The following ARB2A variants were observed in gnomAD, a reference collection of about 807,000 sequenced individuals.
The protein encoded by ARB2A is ARB2 cotranscriptional regulator A, also known as cotranscriptional regulator ARB2A.
At chr5:93,769,559 G>C in the ARB2A span, among the ~76,000 whole-genome samples, 1 of 152,130 alleles carries the variant, frequency 6.6e-6, no homozygotes, top group Non-Finnish European at 1.5e-5. Context: ...GAAGTGGTAA[G>C]TTTTTATAAG....
the ARB2A span, among the ~76,000 whole-genome samples, chr5:94,076,224 T>G: frequency 6.6e-6 from 1 of 152,196 alleles, no homozygotes; most frequent in Non-Finnish European, 1.5e-5. Context: ...AGCCAATCAT[T>G]TCTATAACTA....
chr5:93,890,971 A>G, the ARB2A span, among the ~76,000 whole-genome samples: 1 of 152,078 alleles, frequency 6.6e-6, no homozygotes, highest in Non-Finnish European at 1.5e-5. Flanking sequence ...TAATTGCCCC[A>G]TGTCAAACTG....
the ARB2A span, among the ~76,000 whole-genome samples, chr5:93,787,278 C>A: frequency 8.5e-5 from 13 of 152,196 alleles, no homozygotes; most frequent in Admixed American, 6.5e-4. Context: ...AACATCCATA[C>A]CATTTTTGTT....
the ARB2A span, among the ~76,000 whole-genome samples, chr5:93,857,937 A>G: frequency 6.6e-6 from 1 of 152,094 alleles, no homozygotes; most frequent in Admixed American, 6.6e-5. Context: ...GGCTGCCCCC[A>G]CATTACATGT....
the ARB2A span, among the ~76,000 whole-genome samples, chr5:93,745,138 A>G: frequency 1.3e-5 from 2 of 152,238 alleles, no homozygotes; most frequent in Non-Finnish European, 1.5e-5. Context: ...GACATAACCA[A>G]CTGCCATGAT....
At chr5:93,947,673 C>T in the ARB2A span, among the ~76,000 whole-genome samples, 1 of 110,446 alleles carries the variant, frequency 9.1e-6, no homozygotes, top group African/African-American at 3.4e-5. Flanking sequence ...CCCCTCCCCC[C>T]ACCCCACAAC....
At chr5:93,878,290 A>C in the ARB2A span, among the ~76,000 whole-genome samples, 1 of 152,114 alleles carries the variant, frequency 6.6e-6, no homozygotes, top group East Asian at 1.9e-4. Flanking sequence ...ATTGTGAAAG[A>C]TCTGCTCTAC....
At chr5:94,013,269 C>T in the ARB2A span, among the ~76,000 whole-genome samples, 1 of 150,834 alleles carries the variant, frequency 6.6e-6, no homozygotes, top group Non-Finnish European at 1.5e-5. Flanking sequence ...ACCTCTGCCT[C>T]CCGGGTTCAA....
At chr5:94,042,084 C>T in the ARB2A span, among the ~76,000 whole-genome samples, 1 of 151,964 alleles carries the variant, frequency 6.6e-6, no homozygotes. Context: ...GAATTTCCTG[C>T]CTAGATTAAA....
chr5:93,658,474 G>GATTTC, the ARB2A span, among the ~76,000 whole-genome samples: 23 of 152,078 alleles, frequency 1.5e-4, no homozygotes, highest in African/African-American at 3.9e-4. Context: ...GAATCTGTGT[G>GATTTC]ATTTCATTTC....
At chr5:93,926,673 T>C in the ARB2A span, among the ~76,000 whole-genome samples, 2 of 152,026 alleles carry the variant, frequency 1.3e-5, no homozygotes, top group African/African-American at 4.8e-5. Context: ...GTTTCTTGAA[T>C]GCTAATTCTC....
At chr5:94,089,100 T>C in the ARB2A span, among the ~76,000 whole-genome samples, 7 of 152,214 alleles carry the variant, frequency 4.6e-5, no homozygotes, top group African/African-American at 1.7e-4. Context: ...GATGTTAGAA[T>C]AAGAATAAAA....
the ARB2A span, among the ~76,000 whole-genome samples, chr5:94,105,589 T>C: frequency 2.0e-5 from 3 of 152,090 alleles, no homozygotes; most frequent in African/African-American, 7.2e-5. Flanking sequence ...GCTACTCCTA[T>C]CAAGCTACCA....
At chr5:93,913,219 G>C in the ARB2A span, among the ~76,000 whole-genome samples, 1 of 151,784 alleles carries the variant, frequency 6.6e-6, no homozygotes, top group Admixed American at 6.6e-5. Flanking sequence ...AGTCAAAGGG[G>C]CTGGAAAAGC....
the ARB2A span, among the ~76,000 whole-genome samples, chr5:93,710,274 T>C: frequency 6.6e-6 from 1 of 152,184 alleles, no homozygotes; most frequent in Non-Finnish European, 1.5e-5. Flanking sequence ...GTTGCAACGG[T>C]TAAAATTATA....
At chr5:93,988,756 C>G in the ARB2A span, among the ~76,000 whole-genome samples, 3 of 152,048 alleles carry the variant, frequency 2.0e-5, no homozygotes, top group Non-Finnish European at 4.4e-5. Flanking sequence ...GACATAAGGT[C>G]CTTTAATAAC....
the ARB2A span, among the ~76,000 whole-genome samples, chr5:94,061,106 C>T: frequency 2.6e-5 from 4 of 151,944 alleles, no homozygotes; most frequent in East Asian, 7.7e-4. Flanking sequence ...GGCATGGTGG[C>T]GGGTGCCTGT....
At chr5:93,817,537 A>T in the ARB2A span, among the ~76,000 whole-genome samples, 1 of 152,308 alleles carries the variant, frequency 6.6e-6, no homozygotes, top group Middle Eastern at 3.4e-3. Flanking sequence ...AACAGAATGA[A>T]CAAAGTTGGA....
chr5:93,640,118 A>C, the ARB2A span, among the ~76,000 whole-genome samples: 1 of 151,118 alleles, frequency 6.6e-6, no homozygotes, highest in African/African-American at 2.4e-5. Context: ...AGAACCAGGT[A>C]TGGCTAAACA....
Sources: gnomAD v4.1 joint callset for allele counts (sites outside exome capture counted in the v4.1 genomes callset) on GRCh38, gnomAD v4.1.1 for gene constraint, MANE v1.5 for transcripts, NCBI Gene and HGNC (gene_info 2026-07-23, HGNC 2026-07-21) for gene names.